USP34: variants seen among roughly 807,000 people sequenced by gnomAD.
The protein encoded by USP34 is ubiquitin specific peptidase 34.
Under a neutral mutation model 460.3 loss-of-function variants are expected in USP34, and 70 were observed. The observed-to-expected ratio is 0.15, with a 90% CI of 0.13 to 0.19. The LOEUF (loss-of-function observed/expected upper bound fraction) is 0.19. Among genes scored for constraint, USP34 ranks in the 10% least tolerant of loss-of-function variants. The probability of loss-of-function intolerance (pLI) is 1.00; values close to 1 mark genes in which losing one functional copy is unlikely to be tolerated. For synonymous variants in USP34, 1,647 were observed against 1,405.3 expected (o/e 1.17, Z -3.85); for missense variants, 3,985 against 4,236.2 (o/e 0.94, Z 1.65).
Position 61,210,272 on chromosome 2 carries a change from G to A in USP34, c.8841-1295C>T, listed in dbSNP as rs572858039. Among the ~76,000 whole-genome samples, 4 of 152,258 alleles carry A rather than the reference G, an allele frequency of 2.6e-5. No homozygotes were observed. The East Asian group carries it at 7.7e-4, about 29-fold the overall frequency. On this transcript the variant is annotated intron_variant, in intron 69 of 79. Transcript: ENST00000398571. ...GTCTTGCAAGCACCATTCATGGTAA[G>A]TGCCCTACACAAGTGTACCATTTTC...
intron 1 of USP34, among the ~76,000 whole-genome samples, chr2:61,446,769 CT>C (rs1346009573): frequency 6.7e-6 from 1 of 148,746 alleles, no homozygotes; most frequent in Non-Finnish European, 1.5e-5. Context: ...ACACTGCAGC[CT>C]GGGCAACAGA....
chr2:61,191,793 A>T (rs780972769), intron 76 of USP34, among the ~76,000 whole-genome samples: 1 of 152,230 alleles, frequency 6.6e-6, no homozygotes, highest in Non-Finnish European at 1.5e-5. Flanking sequence ...GAAGAATGAA[A>T]AAGAACAGCA....
chr2:61,402,724 T>G (rs1693758744), intron 3 of USP34, among the ~76,000 whole-genome samples: 1 of 152,260 alleles, frequency 6.6e-6, no homozygotes, highest in East Asian at 1.9e-4. Flanking sequence ...TAAGAAAGGA[T>G]AGCACAGCAG....
chr2:61,379,237 G>A (rs537795614), intron 7 of USP34, among the ~76,000 whole-genome samples: 210 of 152,276 alleles, frequency 1.4e-3, no homozygotes, highest in African/African-American at 4.8e-3. Flanking sequence ...ACAGTAATGT[G>A]GCCAGGTGGG....
Position 61,357,093 on chromosome 2 carries a change from T to C in USP34, c.1252-6400A>G, listed in dbSNP as rs144682383. Among the ~76,000 whole-genome samples the C allele has an allele frequency of 3.5e-3, 537 of 152,208 alleles. 1 individual carries two copies. Among genetic ancestry groups the C allele is most frequent in the Middle Eastern group, 6.8e-3 (2 of 294 alleles). On this transcript the variant is annotated intron_variant, in intron 10 of 79. Transcript: ENST00000398571. Reference sequence around the variant, plus strand: ...AATCTGAACAACACAATAAGCCAAATAGACCTAGCAGGCATACACAGAACA... The same window carrying C: ...AATCTGAACAACACAATAAGCCAAACAGACCTAGCAGGCATACACAGAACA...
At chr2:61,387,347 C>T (rs1558564255) in intron 5 of USP34, among the ~76,000 whole-genome samples, 2 of 151,884 alleles carry the variant, frequency 1.3e-5, no homozygotes, top group South Asian at 2.1e-4. Context: ...TTCCTGCAAT[C>T]CCAGCTACTT....
intron 23 of USP34, among the ~76,000 whole-genome samples, chr2:61,316,942 T>C (rs1411611741): frequency 6.6e-6 from 1 of 152,176 alleles, no homozygotes; most frequent in Admixed American, 6.5e-5. Context: ...TTTAAAAAAA[T>C]TTCCCCAAAC....
intron 48 of USP34, among the ~76,000 whole-genome samples, chr2:61,248,925 A>C (rs955635100): frequency 6.6e-6 from 1 of 152,248 alleles, no homozygotes; most frequent in Non-Finnish European, 1.5e-5. Flanking sequence ...AAGCGAATTT[A>C]GAAATTAGGC....
chr2:61,248,210 C>T (rs1288542363), intron 49 of USP34, among the ~76,000 whole-genome samples: 1 of 150,392 alleles, frequency 6.6e-6, no homozygotes, highest in Non-Finnish European at 1.5e-5. Context: ...AAAAAAACCC[C>T]CACAAAAAAC....
chr2:61,435,561 C>T (rs1694790442), intron 1 of USP34, among the ~76,000 whole-genome samples: 1 of 151,916 alleles, frequency 6.6e-6, no homozygotes, highest in South Asian at 2.1e-4. Flanking sequence ...TGAGGAAATA[C>T]TCATCAGTAG....
At chr2:61,420,541 G>A (rs1488588061) in intron 2 of USP34, among the ~76,000 whole-genome samples, 1 of 152,072 alleles carries the variant, frequency 6.6e-6, no homozygotes, top group Non-Finnish European at 1.5e-5. Context: ...AGGGGTCAAA[G>A]AAAGAAACTG....
In USP34 at chr2:61,265,638, T is replaced by C. The variant is rs1021483883; in HGVS notation, c.5618-81A>G. Reference sequence around the variant, plus strand: ...GTATTTTGCTTACATTAACAGCCTCTACCTCCATTAGTTACCTCATTAATA... The same window carrying C: ...GTATTTTGCTTACATTAACAGCCTCCACCTCCATTAGTTACCTCATTAATA... On this transcript the variant is annotated intron_variant, in intron 42 of 79. Transcript: ENST00000398571. 1.0e-5 allele frequency: 14 copies of C among 1,360,244 alleles called. No homozygotes were observed. In the African/African-American group the frequency reaches 1.7e-4, roughly 17 times the overall value. The allele number at this position is 1,360,244 out of a possible 1,614,324, so 84.3% of individuals were successfully genotyped here.
At chr2:61,375,012 A>G (rs1692749257) in intron 8 of USP34, among the ~76,000 whole-genome samples, 1 of 152,220 alleles carries the variant, frequency 6.6e-6, no homozygotes, top group Non-Finnish European at 1.5e-5. Context: ...AGCAGAATGT[A>G]CAGTCTTCTT....
At chr2:61,349,810 CA>C (rs1383104829) in intron 12 of USP34, among the ~76,000 whole-genome samples, 1 of 151,802 alleles carries the variant, frequency 6.6e-6, no homozygotes, top group Non-Finnish European at 1.5e-5. Context: ...CACTGCACTC[CA>C]GCTTGGGTGA....
In USP34 at chr2:61,380,379, T is replaced by G; in HGVS notation, c.822-18A>C. 2.5e-6 allele frequency: 4 copies of G among 1,584,072 alleles called. No individual in the cohort carries two copies. The highest frequency in any genetic ancestry group is 3.4e-6 in the Non-Finnish European group (4 of 1,163,902). On this transcript the variant is annotated intron_variant, in intron 6 of 79. Coordinates refer to ENST00000398571, the MANE Select transcript of USP34 (RefSeq NM_014709.4). ...ATAAATACCTGAAATGATTCAGAAA[T>G]AGAAAATACACAAAAATTCATAAAG...
Position 61,294,277 on chromosome 2 carries a change from C to T in USP34, c.4461+672G>A, listed in dbSNP as rs191959428. On this transcript the variant is annotated intron_variant, in intron 32 of 79. Transcript: ENST00000398571. ...AGGAGAATCGCGTGAACCTGGGAGGCGGAGCTTGCAGCAAGCAGAGATCGC... is the reference window on the plus strand; with the variant it reads ...AGGAGAATCGCGTGAACCTGGGAGGTGGAGCTTGCAGCAAGCAGAGATCGC... 3.0e-4 allele frequency among the ~76,000 whole-genome samples: 45 copies of T among 150,344 alleles called. 1 individual carries two copies. In the East Asian group the frequency reaches 8.0e-3, roughly 27 times the overall value.
chr2:61,280,956 AACT>A, intron 38 of USP34, 131 bp downstream of exon 38: 1 of 922,128 alleles, frequency 1.1e-6, no homozygotes, highest in Non-Finnish European at 1.6e-6. Context: ...AGTAGTATAT[AACT>A]ACTATCCTCT....
intron 2 of USP34, among the ~76,000 whole-genome samples, chr2:61,410,799 CAG>C: frequency 1.3e-5 from 2 of 151,994 alleles, no homozygotes; most frequent in African/African-American, 2.4e-5. Context: ...GTAAGTAATT[CAG>C]AGTGAAGGAA....
chr2:61,337,325 T>G (rs535315155), intron 18 of USP34, among the ~76,000 whole-genome samples: 1 of 152,246 alleles, frequency 6.6e-6, no homozygotes. Context: ...AGTTGTTCCA[T>G]GTAGTTGTTC....
Sources: gnomAD v4.1 joint callset for allele counts (sites outside exome capture counted in the v4.1 genomes callset) on GRCh38, gnomAD v4.1.1 for gene constraint, MANE v1.5 for transcripts, NCBI Gene and HGNC (gene_info 2026-07-23, HGNC 2026-07-21) for gene names.